Variants in PRLR observed in about 807,000 individuals in gnomAD.
PRLR encodes hPRL receptor.
Under a neutral mutation model 40.2 loss-of-function variants are expected in PRLR, and 13 were observed. The ratio of observed to expected loss-of-function variants is 0.32; its 90% CI spans 0.21 to 0.51. The LOEUF is 0.51. PRLR is among the 20% of genes least tolerant of loss of function. The pLI is 0.97. For missense variants in PRLR, 656 were observed against 747.3 expected (o/e 0.88, Z 1.42); for synonymous variants, 269 against 278.7 (o/e 0.97, Z 0.35).
intron 2 of PRLR, among the ~76,000 whole-genome samples, chr5:35,110,148 A>G (rs1046472132): frequency 3.3e-5 from 5 of 152,256 alleles, no homozygotes; most frequent in South Asian, 2.1e-4. Flanking sequence ...GTTCTCACTC[A>G]CAGATGGGAT....
chr5:35,124,156 T>C (rs1421072230), intron 1 of PRLR, among the ~76,000 whole-genome samples: 1 of 152,188 alleles, frequency 6.6e-6, no homozygotes, highest in African/African-American at 2.4e-5. Flanking sequence ...ACCTTCCAAC[T>C]GGTGGAAATT....
chr5:35,113,302 C>T (rs1043508719), intron 2 of PRLR, among the ~76,000 whole-genome samples: 1 of 150,388 alleles, frequency 6.6e-6, no homozygotes, highest in South Asian at 2.1e-4. Context: ...TCCATCCACC[C>T]ACCCATCTAT....
At chr5:35,209,671 A>T (rs1422740002) in intron 1 of PRLR, among the ~76,000 whole-genome samples, 1 of 152,234 alleles carries the variant, frequency 6.6e-6, no homozygotes, top group Non-Finnish European at 1.5e-5. Flanking sequence ...CACAGTATTA[A>T]AAGTCATTGG....
At chr5:35,072,927 C>T (rs1769846713) in intron 5 of PRLR, among the ~76,000 whole-genome samples, 183 bp from the exon 6 acceptor site, 2 of 152,184 alleles carry the variant, frequency 1.3e-5, no homozygotes, top group South Asian at 4.1e-4. Context: ...CATATTTGTG[C>T]ATACAGATGA....
intron 1 of PRLR, among the ~76,000 whole-genome samples, chr5:35,224,253 C>T (rs1776496083): frequency 1.3e-5 from 2 of 152,182 alleles, no homozygotes; most frequent in Admixed American, 1.3e-4. Context: ...AGCTCCCCGC[C>T]CCACATCTAA....
chr5:35,156,524 C>A (rs373118255), intron 1 of PRLR, among the ~76,000 whole-genome samples: 10 of 152,216 alleles, frequency 6.6e-5, no homozygotes, highest in African/African-American at 2.4e-4. Context: ...GGCCTCCAGG[C>A]ATCCCTCTGA....
At chr5:35,092,397 C>A (rs537720976) in intron 2 of PRLR, among the ~76,000 whole-genome samples, 2 of 152,328 alleles carry the variant, frequency 1.3e-5, no homozygotes, top group Non-Finnish European at 2.9e-5. Context: ...TAGAGAAAGA[C>A]AATCACAACT....
chr5:35,150,696 T>C (rs766694805), intron 1 of PRLR, among the ~76,000 whole-genome samples: 8 of 151,996 alleles, frequency 5.3e-5, no homozygotes, highest in Non-Finnish European at 1.2e-4. Context: ...ATATGATAAA[T>C]ATTTGACTGA....
At chr5:35,190,900 A>G (rs1775582420) in intron 1 of PRLR, among the ~76,000 whole-genome samples, 1 of 152,162 alleles carries the variant, frequency 6.6e-6, no homozygotes, top group Non-Finnish European at 1.5e-5. Flanking sequence ...AAATACTATA[A>G]GGAAGCTGGT....
At chr5:35,179,800 G>A (rs749227409) in intron 1 of PRLR, among the ~76,000 whole-genome samples, 2 of 152,178 alleles carry the variant, frequency 1.3e-5, no homozygotes, top group Non-Finnish European at 2.9e-5. Context: ...TAGCACAACA[G>A]TTCCCAAAGT....
intron 1 of PRLR, among the ~76,000 whole-genome samples, chr5:35,166,629 T>G (rs1774841334): frequency 6.6e-6 from 1 of 152,102 alleles, no homozygotes; most frequent in South Asian, 2.1e-4. Flanking sequence ...AATATTCTCC[T>G]TTCAATCTTG....
At chr5:35,109,124 C>A (rs1321517478) in intron 2 of PRLR, among the ~76,000 whole-genome samples, 1 of 152,160 alleles carries the variant, frequency 6.6e-6, no homozygotes, top group Admixed American at 6.5e-5. Context: ...GGAAAGGATT[C>A]TCTATTTAAT....
At chr5:35,150,586 C>T (rs1774313865) in intron 1 of PRLR, among the ~76,000 whole-genome samples, 3 of 152,284 alleles carry the variant, frequency 2.0e-5, no homozygotes, top group Admixed American at 2.0e-4. Flanking sequence ...AAACCATCTA[C>T]ATTTTCTGGA....
intron 1 of PRLR, among the ~76,000 whole-genome samples, chr5:35,126,537 C>T (rs964587578): frequency 2.0e-5 from 3 of 152,074 alleles, no homozygotes; most frequent in South Asian, 4.2e-4. Flanking sequence ...ATTGGCCCAC[C>T]CGATTCATTA....
In PRLR at chr5:35,076,926, T is replaced by A. The variant is rs548975835; in HGVS notation, c.374-4182A>T. Among the ~76,000 whole-genome samples the A allele has an allele frequency of 1.8e-3, 274 of 152,270 alleles. 1 individual carries two copies. Among genetic ancestry groups the A allele is most frequent in the African/African-American group, 6.2e-3 (259 of 41,564 alleles). On this transcript the variant is annotated intron_variant, in intron 5 of 9. Transcript: ENST00000618457. ...AAAGAAAAGAATTTTCAACCCAGAA[T>A]TTCATATCCAGCCAAACTAAGCTTC...
intron 1 of PRLR, among the ~76,000 whole-genome samples, chr5:35,175,715 G>A (rs1184526413): frequency 1.3e-5 from 2 of 152,266 alleles, no homozygotes; most frequent in Non-Finnish European, 2.9e-5. Context: ...GTGAAGACTG[G>A]TCTTCTCAAA....
chr5:35,131,393 T>G (rs972120863), intron 1 of PRLR, among the ~76,000 whole-genome samples: 1 of 151,800 alleles, frequency 6.6e-6, no homozygotes, highest in African/African-American at 2.4e-5. Context: ...TTACTGGGGG[T>G]TTACATACAG....
rs557786206 is a variant in PRLR, at chr5:35,127,017, C to T, written c.-105-8895G>A. 5.3e-5 allele frequency among the ~76,000 whole-genome samples: 8 copies of T among 152,326 alleles called. No homozygotes were observed. In the East Asian group the frequency reaches 1.5e-3, roughly 29 times the overall value. On this transcript the variant is annotated intron_variant, in intron 1 of 9. Coordinates refer to ENST00000618457, the MANE Select transcript of PRLR (RefSeq NM_000949.7). ...AGAAGAATGGCTGTGCAGGGTTTTGCCACCTGGAGTAAGAACTGCCTAAAT... is the reference window on the plus strand; with the variant it reads ...AGAAGAATGGCTGTGCAGGGTTTTGTCACCTGGAGTAAGAACTGCCTAAAT...
rs886135563 is a variant in PRLR at position 35,057,002 on chromosome 5, A to G, written c.*8087T>C. On this transcript the variant is annotated 3_prime_UTR_variant, in exon 10 of 10. Coordinates refer to ENST00000618457, the MANE Select transcript of PRLR (RefSeq NM_000949.7). Reference sequence around the variant, plus strand: ...GTTTAGATCCATTAAAAGATTATCCATTTACACTTCATCTGATGGATTTTG... The same window carrying G: ...GTTTAGATCCATTAAAAGATTATCCGTTTACACTTCATCTGATGGATTTTG... The G allele has an allele frequency of 6.6e-6, 1 of 152,182 alleles. No homozygotes were observed. The highest frequency in any genetic ancestry group is 1.5e-5 in the Non-Finnish European group (1 of 68,022). The allele number at this position is 152,182 out of a possible 1,614,324, so 9.4% of individuals were successfully genotyped here. A position where few individuals can be genotyped will look rare whatever the true frequency, so the allele number is the denominator to read the frequency against.
Sources: gnomAD v4.1 joint callset for allele counts (sites outside exome capture counted in the v4.1 genomes callset) on GRCh38, gnomAD v4.1.1 for gene constraint, MANE v1.5 for transcripts, NCBI Gene and HGNC (gene_info 2026-07-23, HGNC 2026-07-21) for gene names.